ZBTB20: variants seen among roughly 807,000 people sequenced by gnomAD.
The protein encoded by ZBTB20 is zinc finger and BTB domain containing 20.
In ZBTB20, 9 loss-of-function variants were observed where a neutral mutation model predicts 56.9. The ratio of observed to expected loss-of-function variants is 0.16; its 90% confidence interval spans 0.10 to 0.28. ZBTB20 has a LOEUF of 0.28. Among genes scored for constraint, ZBTB20 ranks in the 10% least tolerant of loss-of-function variants. ZBTB20 has a pLI of 1.00. For missense variants in ZBTB20, 655 were observed against 1,003.0 expected, an observed-to-expected ratio of 0.65 and a Z score of 4.69; for synonymous variants, 417 against 420.7, an observed-to-expected ratio of 0.99 and a Z score of 0.11.
At chr3:115,013,928 G>GTA (rs2079832765) in intron 2 of ZBTB20, among the ~76,000 whole-genome samples, 1 of 151,452 alleles carries the variant, frequency 6.6e-6, no homozygotes, top group Admixed American at 6.6e-5. Flanking sequence ...GTGTGTGTGT[G>GTA]TGTGTACACT....
intron 2 of ZBTB20, among the ~76,000 whole-genome samples, chr3:115,045,920 A>G (rs1457238072): frequency 6.6e-6 from 1 of 152,174 alleles, no homozygotes; most frequent in Non-Finnish European, 1.5e-5. Context: ...AAGCATGTGG[A>G]CCACCAGTTT....
At chr3:115,038,633 C>T (rs987187519) in intron 2 of ZBTB20, among the ~76,000 whole-genome samples, 1 of 152,000 alleles carries the variant, frequency 6.6e-6, no homozygotes, top group Non-Finnish European at 1.5e-5. Context: ...CTAAATTTTG[C>T]CTAAACAAGT....
intron 5 of ZBTB20, among the ~76,000 whole-genome samples, chr3:114,726,861 G>A (rs1054615803): frequency 4.9e-5 from 6 of 123,378 alleles, no homozygotes; most frequent in East Asian, 5.4e-4. Flanking sequence ...ATAGTGAGCC[G>A]AGATTGTGCC....
Position 114,696,537 on chromosome 3 carries a change from T to C in ZBTB20, c.-342-2962A>G, listed in dbSNP as rs541619647. Among the ~76,000 whole-genome samples, 140 of 152,164 alleles carry C rather than the reference T, an allele frequency of 9.2e-4. 1 individual carries two copies. The highest frequency in any genetic ancestry group is 3.3e-3 in the African/African-American group (137 of 41,546). On this transcript the variant is annotated intron_variant, in intron 5 of 11. Transcript: ENST00000675478. ...CCTAGGGCTGTGCTATCACTTTATA[T>C]CCATTTTATGACCGCTTGAGAGGCA... is the stretch of plus-strand genomic sequence containing the variant.
At chr3:114,593,534 G>A (rs762089156) in intron 6 of ZBTB20, among the ~76,000 whole-genome samples, 7 of 151,950 alleles carry the variant, frequency 4.6e-5, no homozygotes, top group Middle Eastern at 3.4e-3. Flanking sequence ...ACAGGCATGC[G>A]CCACCACACA....
intron 5 of ZBTB20, among the ~76,000 whole-genome samples, chr3:114,750,218 T>G (rs534100479): frequency 6.6e-6 from 1 of 152,224 alleles, no homozygotes; most frequent in South Asian, 2.1e-4. Flanking sequence ...TTTTAAAAAA[T>G]GATGGTAGCA....
At chr3:114,700,066 T>A (rs981889324) in intron 5 of ZBTB20, among the ~76,000 whole-genome samples, 3 of 152,112 alleles carry the variant, frequency 2.0e-5, no homozygotes, top group African/African-American at 7.2e-5. Flanking sequence ...TACTTTTTTT[T>A]ATCTTAAATG....
chr3:114,355,565 T>A (rs2081164558), intron 10 of ZBTB20, among the ~76,000 whole-genome samples: 2 of 152,194 alleles, frequency 1.3e-5, no homozygotes, highest in Admixed American at 1.3e-4. Context: ...TTTCTTTTAT[T>A]TTTAACACTA....
chr3:114,723,105 A>T (rs1440827559), intron 5 of ZBTB20, among the ~76,000 whole-genome samples: 1 of 152,216 alleles, frequency 6.6e-6, no homozygotes, highest in Non-Finnish European at 1.5e-5. Flanking sequence ...ACTTGCAAAA[A>T]TAATATCAGA....
chr3:115,047,235 A>C (rs903346076), intron 2 of ZBTB20, among the ~76,000 whole-genome samples: 7 of 152,210 alleles, frequency 4.6e-5, no homozygotes, highest in Non-Finnish European at 1.0e-4. Flanking sequence ...CTTTAGTAAT[A>C]AAAGTCATCT....
At chr3:114,403,019 T>A (rs1345141701) in intron 7 of ZBTB20, among the ~76,000 whole-genome samples, 1 of 152,192 alleles carries the variant, frequency 6.6e-6, no homozygotes, top group African/African-American at 2.4e-5. Flanking sequence ...TATATTATTT[T>A]GCATTGTAAC....
chr3:115,074,653 G>C (rs2082530894), intron 1 of ZBTB20, among the ~76,000 whole-genome samples: 2 of 152,046 alleles, frequency 1.3e-5, no homozygotes, highest in South Asian at 2.1e-4. Flanking sequence ...TGCACAACAG[G>C]CACAGCACAG....
chr3:114,705,695 G>A (rs957877710), intron 5 of ZBTB20, among the ~76,000 whole-genome samples: 3 of 152,136 alleles, frequency 2.0e-5, no homozygotes, highest in Non-Finnish European at 2.9e-5. Flanking sequence ...TCTACGTATG[G>A]TAGGTAGTTT....
intron 6 of ZBTB20, among the ~76,000 whole-genome samples, chr3:114,535,276 C>A (rs956226691): frequency 1.3e-5 from 2 of 151,944 alleles, no homozygotes; most frequent in Non-Finnish European, 2.9e-5. Context: ...AGAGAAGAAT[C>A]AAATAGACAC....
intron 4 of ZBTB20, chr3:114,873,790 C>T (rs1013309425): frequency 2.0e-5 from 3 of 152,162 alleles, no homozygotes; most frequent in African/African-American, 7.2e-5. Context: ...TCCCAAAGGG[C>T]CCCCAACAGG....
At chr3:114,543,380 C>T (rs1042115044) in intron 6 of ZBTB20, among the ~76,000 whole-genome samples, 1 of 152,028 alleles carries the variant, frequency 6.6e-6, no homozygotes, top group African/African-American at 2.4e-5. Flanking sequence ...TTTGTCTCTC[C>T]CTATGTTAAA....
chr3:114,999,250 G>A (rs914221650), intron 2 of ZBTB20, among the ~76,000 whole-genome samples: 1 of 142,060 alleles, frequency 7.0e-6, no homozygotes, highest in African/African-American at 2.6e-5. Context: ...ATGAAAGCAG[G>A]AAGGAAAGGA....
At chr3:114,990,902 TA>T (rs2078776848) in intron 2 of ZBTB20, among the ~76,000 whole-genome samples, 1 of 152,214 alleles carries the variant, frequency 6.6e-6, no homozygotes, top group African/African-American at 2.4e-5. Flanking sequence ...TAGAGGTGTT[TA>T]TAGTATTCTC....
At chr3:114,865,323 C>T (rs894930332) in intron 4 of ZBTB20, among the ~76,000 whole-genome samples, 1 of 152,242 alleles carries the variant, frequency 6.6e-6, no homozygotes, top group East Asian at 1.9e-4. Context: ...GGGCTCTCGC[C>T]TTTTCAGCTG....
Sources: gnomAD v4.1 joint callset for allele counts (sites outside exome capture counted in the v4.1 genomes callset) on GRCh38, gnomAD v4.1.1 for gene constraint, MANE v1.5 for transcripts, NCBI Gene and HGNC (gene_info 2026-07-23, HGNC 2026-07-21) for gene names.